CCDC18: variants seen among roughly 807,000 people sequenced by gnomAD.
The protein encoded by CCDC18 is coiled-coil domain-containing protein 18.
Under a neutral mutation model 196.0 loss-of-function variants are expected in CCDC18, and 157 were observed. The observed-to-expected ratio is 0.80, with a 90% CI of 0.70 to 0.91. CCDC18 has a LOEUF of 0.91. Among genes scored for constraint, CCDC18 ranks in the 40% least tolerant of loss-of-function variants. The probability of loss-of-function intolerance (pLI) is 0.00; values close to 1 mark genes in which losing one functional copy is unlikely to be tolerated. For missense variants in CCDC18, 1,465 were observed against 1,611.6 expected (o/e 0.91, Z 1.56); for synonymous variants, 482 against 529.2 (o/e 0.91, Z 1.22).
intron 1 of CCDC18, 66 bp downstream of exon 1, chr1:93,180,918 T>C (rs773462339): frequency 2.8e-5 from 38 of 1,341,490 alleles, no homozygotes; most frequent in Non-Finnish European, 3.4e-5. Flanking sequence ...GAAACCGGCT[T>C]ACCTGGGGGA....
At chr1:93,263,312 C>T (rs1231927183) in intron 26 of CCDC18, among the ~76,000 whole-genome samples, 1 of 152,146 alleles carries the variant, frequency 6.6e-6, no homozygotes, top group Non-Finnish European at 1.5e-5. Context: ...ACCACATGGC[C>T]AAGCTGCAAT....
chr1:93,193,852 C>A, intron 6 of CCDC18, 108 bp downstream of exon 6: 1 of 791,248 alleles, frequency 1.3e-6, no homozygotes. Context: ...AGAGATTTGG[C>A]AATAAATTAA....
chr1:93,227,957 CAA>C lies in CCDC18; in HGVS notation c.2292+1522_2292+1523del, dbSNP rs71586784. 6.1e-3 allele frequency among the ~76,000 whole-genome samples: 645 copies of C among 105,150 alleles called. 8 individuals are homozygous for C. Among genetic ancestry groups the C allele is most frequent in the African/African-American group, 0.021 (600 of 29,010 alleles). 69.0% of individuals were successfully genotyped at this position (105,150 alleles called of 152,430 possible). A position where few individuals can be genotyped will look rare whatever the true frequency, so the allele number is the denominator to read the frequency against. On this transcript the variant is annotated intron_variant, in intron 17 of 28. Transcript: ENST00000690025. ...TGGGCAGCACAGCGAGACCCTATCT[CAA>C]AAAAAAAAAAAAATATATATATATA...
In CCDC18 at chr1:93,210,878, G is replaced by A. The variant is rs751071577; in HGVS notation, c.1286G>A (p.Arg429His). 9 of 1,613,516 alleles carry A rather than the reference G, an allele frequency of 5.6e-6. No individual in the cohort carries two copies. The highest frequency in any genetic ancestry group is 1.3e-5 in the African/African-American group (1 of 74,916). Reference sequence around the variant, plus strand: ...AGTAGCTTCTCAAACAAGGAAGACCGTTGCATTGGCTGCTGTGAGGCAAAT... The same window carrying A: ...AGTAGCTTCTCAAACAAGGAAGACCATTGCATTGGCTGCTGTGAGGCAAAT... ...QMSSFSNKEDRCIGCCEANKL... is the reference protein window; with the variant it reads ...QMSSFSNKEDHCIGCCEANKL... Residue 429 changes from arginine to histidine, a missense_variant, in exon 10 of 29, where the codon CGT (arginine) becomes CAT (histidine). Physicochemically the swap from Arg to His is conservative, Grantham distance 29. Transcript: ENST00000690025.
At chr1:93,193,800 C>G in intron 6 of CCDC18, 56 bp downstream of exon 6, 2 of 1,303,914 alleles carry the variant, frequency 1.5e-6, no homozygotes, top group Non-Finnish European at 2.1e-6. Flanking sequence ...GGAAATATTA[C>G]CTATTTAAAA....
At chr1:93,180,500 C>G, upstream of CCDC18, 1 of 1,534,408 alleles carries the variant, frequency 6.5e-7, no homozygotes. Context: ...TGAGCGCCGC[C>G]CGCCTCTCCC....
At chr1:93,274,847 C>G (rs567238621) in intron 28 of CCDC18, among the ~76,000 whole-genome samples, 9 of 152,182 alleles carry the variant, frequency 5.9e-5, no homozygotes, top group Non-Finnish European at 1.3e-4. Flanking sequence ...ACAAACGTAG[C>G]CTATTGTTAA....
At chr1:93,233,901 T>A (rs2100740334) in intron 18 of CCDC18, among the ~76,000 whole-genome samples, 1 of 151,856 alleles carries the variant, frequency 6.6e-6, no homozygotes, top group Non-Finnish European at 1.5e-5. Context: ...CTGGCCTCTA[T>A]TTTTTTTCAA....
chr1:93,230,094 A>G (rs1011351169), intron 17 of CCDC18, among the ~76,000 whole-genome samples: 1 of 152,126 alleles, frequency 6.6e-6, no homozygotes, highest in South Asian at 2.1e-4. Flanking sequence ...TTTATCATCT[A>G]AATTCTACTT....
intron 9 of CCDC18, among the ~76,000 whole-genome samples, chr1:93,207,674 T>C (rs547008359): frequency 6.6e-6 from 1 of 152,278 alleles, no homozygotes; most frequent in African/African-American, 2.4e-5. Context: ...TTTGCCTGTT[T>C]TAAGTGTACT....
intron 26 of CCDC18, among the ~76,000 whole-genome samples, chr1:93,262,649 A>G (rs1281486719): frequency 1.3e-5 from 2 of 152,142 alleles, no homozygotes; most frequent in East Asian, 1.9e-4. Context: ...GGCTGTTTTC[A>G]TGGGCTGGCG....
In CCDC18 at chr1:93,201,917, C is replaced by T; in HGVS notation, c.724C>T (p.Leu242=). 1.9e-6 allele frequency: 3 copies of T among 1,599,296 alleles called. No homozygotes were observed. The highest frequency in any genetic ancestry group is 1.7e-6 in the Non-Finnish European group (2 of 1,173,854). ...AGCTGAACGACAAAGGAATGAAGCA[C>T]TATATAATGCCGAAGAGCTGAGTAA... is the stretch of plus-strand genomic sequence containing the variant. The part of the protein sequence containing the change: ...KRAERQRNEA[L]YNAEELSKAF... The change falls in exon 7 of 29, where the codon CTA becomes TTA. Residue 242 remains leucine (L), a synonymous_variant. Coordinates refer to ENST00000690025, the MANE Select transcript of CCDC18 (RefSeq NM_001378204.1).
intron 8 of CCDC18, among the ~76,000 whole-genome samples, chr1:93,206,253 T>G (rs1450095366): frequency 6.6e-6 from 1 of 152,150 alleles, no homozygotes; most frequent in Non-Finnish European, 1.5e-5. Context: ...CTTAAGGTAG[T>G]CTGTTTAGTA....
intron 26 of CCDC18, 181 bp from the exon 27 acceptor site, chr1:93,264,520 G>A (rs1664233124): frequency 2.2e-6 from 1 of 461,786 alleles, no homozygotes; most frequent in Non-Finnish European, 3.8e-6. Flanking sequence ...TGAAGATTAT[G>A]GATTCCTTTG....
At chr1:93,205,435 A>T in intron 7 of CCDC18, 75 bp from the exon 8 acceptor site, 1 of 1,266,090 alleles carries the variant, frequency 7.9e-7, no homozygotes, top group Non-Finnish European at 1.1e-6. Context: ...TTCTGAAATC[A>T]CTACTGACAT....
intron 26 of CCDC18, 88 bp downstream of exon 26, chr1:93,258,973 T>C: frequency 9.3e-7 from 1 of 1,071,398 alleles, no homozygotes; most frequent in Non-Finnish European, 1.3e-6. Context: ...TCTTAAGTGT[T>C]CATTATTGAA....
At chr1:93,269,492 A>C (rs1475188581) in intron 27 of CCDC18, among the ~76,000 whole-genome samples, 2 of 151,826 alleles carry the variant, frequency 1.3e-5, no homozygotes, top group Non-Finnish European at 2.9e-5. Context: ...ATACCAAAAT[A>C]TGCGTGTTAA....
chr1:93,247,754 G>C (rs1661674933), intron 23 of CCDC18, among the ~76,000 whole-genome samples: 1 of 151,816 alleles, frequency 6.6e-6, no homozygotes, highest in Non-Finnish European at 1.5e-5. Context: ...GGAGTTTTCA[G>C]GTTTTTCCAA....
At chr1:93,252,113 A>G (rs745448641) in intron 23 of CCDC18, among the ~76,000 whole-genome samples, 12 of 152,148 alleles carry the variant, frequency 7.9e-5, no homozygotes, top group Non-Finnish European at 1.0e-4. Flanking sequence ...TCATAGCTCA[A>G]TGTAGCCTTG....
Sources: allele counts gnomAD v4.1 joint callset (sites outside exome capture counted in the v4.1 genomes callset), GRCh38; gene constraint gnomAD v4.1.1; transcripts MANE v1.5; gene names NCBI Gene and HGNC (gene_info 2026-07-23, HGNC 2026-07-21).